ZC4H2: variants seen among roughly 807,000 people sequenced by gnomAD.
ZC4H2 encodes zinc finger C4H2-type containing, also known as zinc finger C4H2 domain-containing protein.
For synonymous variants in ZC4H2, 84 were observed against 66.3 expected (o/e 1.27, Z -1.30); for missense variants, 137 against 173.9 (o/e 0.79, Z 1.19).
intron 1 of ZC4H2, among the ~76,000 whole-genome samples, chrX:64,923,680 T>C (rs767726469): frequency 5.8e-5 from 5 of 86,084 alleles, no homozygotes; most frequent in African/African-American, 5.3e-4. Context: ...TTCATGTTAT[T>C]GTATTTTTTT....
intron 1 of ZC4H2, among the ~76,000 whole-genome samples, chrX:64,974,340 T>C (rs1244710961): frequency 8.9e-6 from 1 of 112,352 alleles, no homozygotes; most frequent in Admixed American, 9.4e-5. Flanking sequence ...GTTTCAAGTG[T>C]ATTGTAACTG....
intron 1 of ZC4H2, among the ~76,000 whole-genome samples, chrX:64,985,215 A>G (rs900610295): frequency 8.9e-6 from 1 of 111,875 alleles, no homozygotes; most frequent in Non-Finnish European, 1.9e-5. Flanking sequence ...TAGATACCCA[A>G]TAGTGGGATT....
chrX:64,996,853 C>T (rs1932423971), intron 1 of ZC4H2, among the ~76,000 whole-genome samples: 1 of 110,558 alleles, frequency 9.0e-6, no homozygotes, highest in Non-Finnish European at 1.9e-5. Context: ...CTGTGGTACA[C>T]CATTAAGTGG....
chrX:64,966,588 G>A (rs1237650231), intron 1 of ZC4H2, among the ~76,000 whole-genome samples: 2 of 112,045 alleles, frequency 1.8e-5, no homozygotes, highest in Admixed American at 9.5e-5. Context: ...CAAAATGTGC[G>A]ATATCCATGC....
chrX:64,950,122 G>A (rs1455810003), intron 1 of ZC4H2, among the ~76,000 whole-genome samples: 1 of 111,823 alleles, frequency 8.9e-6, no homozygotes, highest in Non-Finnish European at 1.9e-5. Flanking sequence ...AGTCATTCAG[G>A]AGCAGGTTGT....
chrX:64,917,813 G>A lies in ZC4H2; in HGVS notation c.645C>T (p.Pro215=). The A allele has an allele frequency of 8.3e-7, 1 of 1,211,053 alleles. No homozygotes were observed. Among genetic ancestry groups the A allele is most frequent in the South Asian group, 1.8e-5 (1 of 56,786 alleles). ...CATCCTGCTTCCGTTTCGGCTTTTT[G>A]GGGTTCCGGGACCGACTCTTGGCCT... The part of the protein sequence containing the change: ...LCKAKSRSRN[P]KKPKRKQDE Residue 215 remains proline, a synonymous_variant, in exon 5 of 5, where the codon CCC becomes CCT. Coordinates refer to ENST00000374839, the MANE Select transcript of ZC4H2 (RefSeq NM_018684.4).
chrX:65,026,581 C>T lies in ZC4H2; in HGVS notation c.-272+8048G>A, dbSNP rs779933086. On this transcript the variant is annotated intron_variant, in intron 1 of 4. Coordinates refer to the ZC4H2 transcript ENST00000337990. ...AAAATTAGCCAGGCGTGGTGGTGGA[C>T]GCCTGTAGTCCCAGCTACTCGGGAG... Among the ~76,000 whole-genome samples, 64 of 110,480 alleles carry T rather than the reference C, an allele frequency of 5.8e-4. No individual in the cohort carries two copies. In the South Asian group the frequency reaches 7.1e-3, roughly 12 times the overall value.
At chrX:64,958,381 A>G (rs1033968621) in intron 1 of ZC4H2, among the ~76,000 whole-genome samples, 1 of 107,618 alleles carries the variant, frequency 9.3e-6, no homozygotes, top group Non-Finnish European at 1.9e-5. Context: ...ATGCCTGTAT[A>G]TGTGTGTGTG....
chrX:64,970,719 G>A (rs1429151301), intron 1 of ZC4H2, among the ~76,000 whole-genome samples: 1 of 111,835 alleles, frequency 8.9e-6, no homozygotes, highest in African/African-American at 3.3e-5. Flanking sequence ...AAAATGAGTA[G>A]GATTTAGATG....
chrX:64,966,596 T>C (rs1469984726), intron 1 of ZC4H2, among the ~76,000 whole-genome samples: 1 of 112,139 alleles, frequency 8.9e-6, no homozygotes, highest in African/African-American at 3.2e-5. Context: ...GCGATATCCA[T>C]GCAATGGGAT....
At chrX:64,992,437 G>A (rs1421449601) in intron 1 of ZC4H2, among the ~76,000 whole-genome samples, 1 of 111,533 alleles carries the variant, frequency 9.0e-6, no homozygotes, top group African/African-American at 3.3e-5. Flanking sequence ...ATCAGCAAGA[G>A]TTATAATAAC....
At chrX:64,953,063 C>A (rs777887088) in intron 1 of ZC4H2, among the ~76,000 whole-genome samples, 2 of 111,940 alleles carry the variant, frequency 1.8e-5, no homozygotes, top group South Asian at 3.7e-4. Context: ...CAAAAACAAG[C>A]AATGGGGAAA....
At chrX:64,967,429 C>A (rs1267551230) in intron 1 of ZC4H2, among the ~76,000 whole-genome samples, 1 of 112,108 alleles carries the variant, frequency 8.9e-6, no homozygotes, top group Non-Finnish European at 1.9e-5. Flanking sequence ...TAAGCAAGCA[C>A]CATTTATCCA....
chrX:64,952,257 T>C (rs893279696), intron 1 of ZC4H2, among the ~76,000 whole-genome samples: 6 of 110,098 alleles, frequency 5.4e-5, no homozygotes, highest in African/African-American at 2.0e-4. Context: ...TTTGTTCTTT[T>C]GGCTTAGGAT....
chrX:64,961,284 A>G (rs1281300743), intron 1 of ZC4H2, among the ~76,000 whole-genome samples: 1 of 111,686 alleles, frequency 9.0e-6, no homozygotes, highest in Non-Finnish European at 1.9e-5. Flanking sequence ...GTTTATTTTT[A>G]AAAATCTTTA....
chrX:64,932,632 C>T (rs1397469111), intron 1 of ZC4H2, among the ~76,000 whole-genome samples: 1 of 111,127 alleles, frequency 9.0e-6, no homozygotes, highest in African/African-American at 3.3e-5. Context: ...CTTAGTTTTG[C>T]TAGATAGAAA....
At chrX:64,927,369 A>G (rs777647647) in intron 1 of ZC4H2, among the ~76,000 whole-genome samples, 2 of 110,422 alleles carry the variant, frequency 1.8e-5, no homozygotes, top group East Asian at 5.7e-4. Context: ...CTTATGAGTG[A>G]GAACATGTAG....
At chrX:65,015,051 C>T (rs958461324) in intron 1 of ZC4H2, among the ~76,000 whole-genome samples, 4 of 111,440 alleles carry the variant, frequency 3.6e-5, no homozygotes, top group African/African-American at 1.3e-4. Flanking sequence ...AACTGGTTTC[C>T]CTCTGCCACA....
At chrX:64,936,512 G>A (rs1017339667) in intron 1 of ZC4H2, among the ~76,000 whole-genome samples, 1 of 111,715 alleles carries the variant, frequency 9.0e-6, no homozygotes, top group African/African-American at 3.3e-5. Context: ...AATGTTAAGG[G>A]AAGCCAGAGA....
Sources: gnomAD v4.1 joint callset for allele counts (sites outside exome capture counted in the v4.1 genomes callset) on GRCh38, gnomAD v4.1.1 for gene constraint, MANE v1.5 for transcripts, NCBI Gene and HGNC (gene_info 2026-07-23, HGNC 2026-07-21) for gene names.